Variants in PGM2L1 observed in about 807,000 individuals in gnomAD.
The protein encoded by PGM2L1 is phosphoglucomutase 2 like 1.
A neutral mutation model predicts 73.4 loss-of-function variants in PGM2L1; 35 were observed. The observed-to-expected ratio is 0.48, with a 90% confidence interval of 0.36 to 0.63. The LOEUF is 0.63. Ranked by LOEUF, PGM2L1 falls within the 30% of genes least tolerant of loss-of-function variation. The probability of loss-of-function intolerance (pLI) is 0.00; values close to 1 mark genes in which losing one functional copy is unlikely to be tolerated. For missense variants in PGM2L1, 570 were observed against 742.0 expected (o/e 0.77, Z 2.69); for synonymous variants, 225 against 253.8 (o/e 0.89, Z 1.08).
chr11:74,374,642 C>G (rs899321972), intron 1 of PGM2L1, 60 bp from the exon 2 acceptor site: 1 of 1,461,252 alleles, frequency 6.8e-7, no homozygotes, highest in African/African-American at 1.4e-5. Flanking sequence ...AATATTAAGC[C>G]CTTCTGAGGG....
chr11:74,343,593 T>G (rs1388999095), intron 9 of PGM2L1, among the ~76,000 whole-genome samples, 177 bp from the exon 10 acceptor site: 2 of 152,118 alleles, frequency 1.3e-5, no homozygotes, highest in Non-Finnish European at 2.9e-5. Context: ...ATACACACAC[T>G]GCTACTACTA....
chr11:74,356,677 A>G (rs1251599203), intron 5 of PGM2L1, among the ~76,000 whole-genome samples: 2 of 152,260 alleles, frequency 1.3e-5, no homozygotes, highest in African/African-American at 4.8e-5. Context: ...AAATGTCTGC[A>G]AAACAGATGG....
chr11:74,360,851 G>A (rs1270263025), intron 5 of PGM2L1, among the ~76,000 whole-genome samples: 1 of 152,214 alleles, frequency 6.6e-6, no homozygotes, highest in African/African-American at 2.4e-5. Flanking sequence ...TGAGGCCGGG[G>A]GAGGGGCGCC....
At chr11:74,337,879 A>T (rs1451931426) in intron 13 of PGM2L1, among the ~76,000 whole-genome samples, 1 of 152,156 alleles carries the variant, frequency 6.6e-6, no homozygotes, top group African/African-American at 2.4e-5. Flanking sequence ...CTACCATATG[A>T]CCCAGCAGTT....
intron 1 of PGM2L1, among the ~76,000 whole-genome samples, chr11:74,385,106 A>T (rs1217144380): frequency 6.6e-6 from 1 of 152,216 alleles, no homozygotes; most frequent in East Asian, 1.9e-4. Context: ...ACATTAAATA[A>T]CACCTTCAAA....
chr11:74,338,430 A>G (rs1353966969), intron 13 of PGM2L1, 38 bp downstream of exon 13: 4 of 1,474,056 alleles, frequency 2.7e-6, no homozygotes, highest in Non-Finnish European at 3.7e-6. Flanking sequence ...ATTTCAATAA[A>G]GCTTTTGTAT....
At chr11:74,356,954 C>T (rs986281655) in intron 5 of PGM2L1, among the ~76,000 whole-genome samples, 5 of 152,110 alleles carry the variant, frequency 3.3e-5, no homozygotes, top group African/African-American at 1.2e-4. Context: ...CTGCCTCAGA[C>T]TCCCGAGTAG....
intron 1 of PGM2L1, 76 bp downstream of exon 1, chr11:74,397,975 G>A: frequency 2.8e-6 from 4 of 1,450,366 alleles, no homozygotes; most frequent in Non-Finnish European, 3.6e-6. Context: ...CAGCCCGCGG[G>A]GCGCTGGGTG....
intron 5 of PGM2L1, among the ~76,000 whole-genome samples, chr11:74,367,944 C>G (rs1321196419): frequency 6.6e-6 from 1 of 152,170 alleles, no homozygotes; most frequent in African/African-American, 2.4e-5. Flanking sequence ...AAAACAAATA[C>G]AAGAACACAG....
At chr11:74,339,127 C>T (rs1465305337) in intron 12 of PGM2L1, among the ~76,000 whole-genome samples, 1 of 152,018 alleles carries the variant, frequency 6.6e-6, no homozygotes, top group Non-Finnish European at 1.5e-5. Context: ...GTAAACAACC[C>T]ATTCAAGACA....
chr11:74,396,137 T>C (rs1016187924), intron 1 of PGM2L1, among the ~76,000 whole-genome samples: 4 of 151,758 alleles, frequency 2.6e-5, no homozygotes, highest in Non-Finnish European at 5.9e-5. Context: ...CATGTGCCTG[T>C]AGTCCCAGCT....
rs60883108 is a variant in PGM2L1 at position 74,395,549 on chromosome 11, CTTTTTTTTTTTTTT to C, written c.111+2488_111+2501del. Among the ~76,000 whole-genome samples, 3 of 64,944 alleles carry C rather than the reference CTTTTTTTTTTTTTT, an allele frequency of 4.6e-5. No individual in the cohort carries two copies. The East Asian group carries it at 2.0e-3, about 44-fold the overall frequency. 42.6% of individuals were successfully genotyped at this position (64,944 alleles called of 152,430 possible). A position where few individuals can be genotyped will look rare whatever the true frequency, so the allele number is the denominator to read the frequency against. Reference sequence around the variant, plus strand: ...TACAGGCACGTGACACCTCGCCTGGCTTTTTTTTTTTTTTTTTTTTTTTTTTTTTGTATTTTTAG... The same window carrying C: ...TACAGGCACGTGACACCTCGCCTGGCTTTTTTTTTTTTTTTGTATTTTTAG... On this transcript the variant is annotated intron_variant, in intron 1 of 13. Coordinates refer to ENST00000298198, the MANE Select transcript of PGM2L1 (RefSeq NM_173582.6).
chr11:74,384,445 T>A (rs1862992451), intron 1 of PGM2L1, among the ~76,000 whole-genome samples: 1 of 152,136 alleles, frequency 6.6e-6, no homozygotes, highest in Non-Finnish European at 1.5e-5. Flanking sequence ...AGTCTACATT[T>A]GATAAATATA....
In PGM2L1 at chr11:74,345,472, A is replaced by G. The variant is rs1327281300; in HGVS notation, c.1215T>C (p.Phe405=). The G allele has an allele frequency of 6.2e-7, 1 of 1,606,554 alleles. No individual in the cohort carries two copies. Among genetic ancestry groups the G allele is most frequent in the South Asian group, 1.1e-5 (1 of 90,880 alleles). The change falls in exon 9 of 14, where the codon TTT becomes TTC. Residue 405 remains phenylalanine (F), a synonymous_variant. Transcript: ENST00000298198. The part of the protein sequence containing the change: ...KAIALKEGFH[F]EETLPGFKWI... ...CACAGATATTATTGATTCTTACTTCAAAATGAAATCCTTCTTTAAGTGCAA... is the reference window on the plus strand; with the variant it reads ...CACAGATATTATTGATTCTTACTTCGAAATGAAATCCTTCTTTAAGTGCAA...
In PGM2L1 at chr11:74,398,044, T is replaced by C. The variant is rs762735045; in HGVS notation, c.111+7A>G. The C allele has an allele frequency of 1.2e-6, 2 of 1,602,134 alleles. No individual in the cohort carries two copies. The highest frequency in any genetic ancestry group is 8.5e-7 in the Non-Finnish European group (1 of 1,173,556). ...GACGGCGTTTGCCGGGCTGACCAGG[T>C]ACCCACCTTATCCCAGCGGAGCCAC... is the stretch of plus-strand genomic sequence containing the variant. On this transcript the variant is annotated splice_region_variant and intron_variant, in intron 1 of 13. Coordinates refer to ENST00000298198, the MANE Select transcript of PGM2L1 (RefSeq NM_173582.6).
At chr11:74,360,094 G>A (rs1862532089) in intron 5 of PGM2L1, among the ~76,000 whole-genome samples, 1 of 152,070 alleles carries the variant, frequency 6.6e-6, no homozygotes, top group South Asian at 2.1e-4. Context: ...AAAAAAATTA[G>A]CTGGGTATGA....
rs568711566 is a variant in PGM2L1 at position 74,338,761 on chromosome 11, T to C, written c.1633-160A>G. Among the ~76,000 whole-genome samples the C allele has an allele frequency of 7.2e-5, 11 of 152,308 alleles. No homozygotes were observed. In the South Asian group the frequency reaches 2.1e-3, roughly 29 times the overall value. On this transcript the variant is annotated intron_variant, in intron 12 of 13. Transcript: ENST00000298198. ...ATGGCAGTTGCCAAGGCAGGGGGTA[T>C]AGGGAGTTATTGCTTAAAGGATAGA... is the stretch of plus-strand genomic sequence containing the variant.
intron 1 of PGM2L1, among the ~76,000 whole-genome samples, chr11:74,379,145 C>G (rs1222583443): frequency 6.6e-6 from 1 of 152,182 alleles, no homozygotes; most frequent in Admixed American, 6.5e-5. Context: ...ACAGCACCAG[C>G]ATCTGCTCCA....
At chr11:74,368,952 TC>T (rs10719235) in intron 4 of PGM2L1, among the ~76,000 whole-genome samples, 8,160 of 152,256 alleles carry the variant, frequency 0.054, 702 homozygotes, top group African/African-American at 0.18. Context: ...CTACAGGCAG[TC>T]CTTGCTTTGC....
Sources: gnomAD v4.1 joint callset for allele counts (sites outside exome capture counted in the v4.1 genomes callset) on GRCh38, gnomAD v4.1.1 for gene constraint, MANE v1.5 for transcripts, NCBI Gene and HGNC (gene_info 2026-07-23, HGNC 2026-07-21) for gene names.